SATB2: variants seen among roughly 807,000 people sequenced by gnomAD.
SATB2 encodes the protein DNA-binding protein SATB2.
Under a neutral mutation model 73.4 loss-of-function variants are expected in SATB2, and 1 was observed. The observed-to-expected ratio is 0.01, with a 90% CI of 0.00 to 0.06. The LOEUF is 0.06. SATB2 is among the 10% of genes least tolerant of loss of function. The pLI is 1.00. For missense variants in SATB2, 459 were observed against 945.8 expected (o/e 0.49, Z 6.75); for synonymous variants, 397 against 367.0 (o/e 1.08, Z -0.93).
intron 2 of SATB2, among the ~76,000 whole-genome samples, chr2:199,441,610 A>T (rs900762090): frequency 2.6e-5 from 4 of 152,156 alleles, no homozygotes; most frequent in African/African-American, 9.6e-5. Flanking sequence ...GAACAAAAAT[A>T]GGCAGGGATG....
At chr2:199,453,748 AATCTT>A (rs1382322957) in intron 2 of SATB2, among the ~76,000 whole-genome samples, 10 of 152,022 alleles carry the variant, frequency 6.6e-5, no homozygotes, top group Non-Finnish European at 1.2e-4. Flanking sequence ...GTACTATCAA[AATCTT>A]ATCTTCTAAG....
chr2:199,292,846 A>G (rs1038204770), intron 10 of SATB2, among the ~76,000 whole-genome samples: 1 of 152,200 alleles, frequency 6.6e-6, no homozygotes, highest in East Asian at 1.9e-4. Flanking sequence ...ATGATGGTAC[A>G]CAGAGGAATT....
chr2:199,335,872 T>G (rs1289446785), intron 7 of SATB2, among the ~76,000 whole-genome samples: 1 of 152,174 alleles, frequency 6.6e-6, no homozygotes, highest in East Asian at 1.9e-4. Context: ...TTGTTTTTTG[T>G]GGATACAATA....
intron 2 of SATB2, among the ~76,000 whole-genome samples, chr2:199,440,197 T>C (rs1383954254): frequency 6.6e-6 from 1 of 152,210 alleles, no homozygotes; most frequent in African/African-American, 2.4e-5. Flanking sequence ...CACCTCCCTG[T>C]TGGGGTCTCA....
intron 3 of SATB2, among the ~76,000 whole-genome samples, chr2:199,389,400 C>T (rs1690058725): frequency 6.6e-6 from 1 of 151,366 alleles, no homozygotes; most frequent in Non-Finnish European, 1.5e-5. Context: ...AGTCATCTTA[C>T]ATTATTCAAG....
intron 10 of SATB2, among the ~76,000 whole-genome samples, chr2:199,305,347 G>A (rs1221975814): frequency 6.6e-6 from 1 of 152,130 alleles, no homozygotes; most frequent in Admixed American, 6.5e-5. Context: ...GGGCCGATAG[G>A]GGGGTAAAAG....
At chr2:199,327,994 A>G (rs1022425241) in intron 8 of SATB2, among the ~76,000 whole-genome samples, 3 of 152,128 alleles carry the variant, frequency 2.0e-5, no homozygotes, top group African/African-American at 7.2e-5. Context: ...CAGCCCAACC[A>G]AATAAACATA....
chr2:199,439,808 C>G (rs1691757428), intron 2 of SATB2, among the ~76,000 whole-genome samples: 1 of 151,988 alleles, frequency 6.6e-6, no homozygotes, highest in African/African-American at 2.4e-5. Context: ...TTCTTTCCAT[C>G]CTAAAATAAT....
intron 2 of SATB2, among the ~76,000 whole-genome samples, chr2:199,450,536 T>C (rs1296183137): frequency 6.6e-6 from 1 of 152,120 alleles, no homozygotes; most frequent in Non-Finnish European, 1.5e-5. Flanking sequence ...AATGTACATA[T>C]TTTACACACC....
chr2:199,357,711 A>G (rs894209954), intron 6 of SATB2, among the ~76,000 whole-genome samples: 2 of 152,026 alleles, frequency 1.3e-5, no homozygotes, highest in African/African-American at 4.8e-5. Context: ...AAATATAGTG[A>G]TTATATTTAT....
intron 6 of SATB2, among the ~76,000 whole-genome samples, chr2:199,350,193 A>C (rs562206799): frequency 2.8e-4 from 43 of 152,344 alleles, no homozygotes; most frequent in Non-Finnish European, 4.3e-4. Flanking sequence ...GCTGGATATG[A>C]CTATGCAAAA....
intron 7 of SATB2, among the ~76,000 whole-genome samples, chr2:199,339,593 C>G (rs1217657790): frequency 6.6e-6 from 1 of 152,154 alleles, no homozygotes; most frequent in African/African-American, 2.4e-5. Flanking sequence ...AACCAGCTCA[C>G]TGGACCATGG....
At chr2:199,450,054 AC>A (rs1692078809) in intron 2 of SATB2, among the ~76,000 whole-genome samples, 1 of 152,112 alleles carries the variant, frequency 6.6e-6, no homozygotes, top group Non-Finnish European at 1.5e-5. Context: ...GTTAGATCCA[AC>A]ATTTCACTGC....
chr2:199,328,488 C>A (rs987600714), intron 8 of SATB2, among the ~76,000 whole-genome samples: 3 of 152,026 alleles, frequency 2.0e-5, no homozygotes, highest in African/African-American at 7.2e-5. Flanking sequence ...CTGCAGTGAG[C>A]CGAGATCATG....
At chr2:199,299,463 A>T (rs899705407) in intron 10 of SATB2, among the ~76,000 whole-genome samples, 5 of 152,210 alleles carry the variant, frequency 3.3e-5, no homozygotes, top group African/African-American at 1.2e-4. Flanking sequence ...AAACAGAAGC[A>T]GAAAGATGTC....
chr2:199,373,610 C>T (rs1039553014), intron 5 of SATB2, among the ~76,000 whole-genome samples: 4 of 152,152 alleles, frequency 2.6e-5, no homozygotes, highest in African/African-American at 9.7e-5. Flanking sequence ...TTGTCTCCTG[C>T]ATCAGAGAGT....
At chr2:199,376,975 A>G (rs1300381732) in intron 5 of SATB2, among the ~76,000 whole-genome samples, 1 of 152,252 alleles carries the variant, frequency 6.6e-6, no homozygotes, top group Non-Finnish European at 1.5e-5. Flanking sequence ...AGGGGCTTTC[A>G]AAGCCAGAGA....
intron 3 of SATB2, among the ~76,000 whole-genome samples, chr2:199,414,813 A>G (rs75704018): frequency 6.6e-6 from 1 of 151,138 alleles, no homozygotes. Context: ...CAAACAAAAC[A>G]ACGACTGGGA....
intron 10 of SATB2, among the ~76,000 whole-genome samples, chr2:199,298,976 G>A (rs561447423): frequency 9.7e-4 from 148 of 152,194 alleles, no homozygotes; most frequent in African/African-American, 3.3e-3. Flanking sequence ...TATTAAGAGG[G>A]ACTAGTTCAC....
Sources: gnomAD v4.1 joint callset for allele counts (sites outside exome capture counted in the v4.1 genomes callset) on GRCh38, gnomAD v4.1.1 for gene constraint, MANE v1.5 for transcripts, NCBI Gene and HGNC (gene_info 2026-07-23, HGNC 2026-07-21) for gene names.